The following LINGO2 variants were observed in gnomAD, a reference collection of about 807,000 sequenced individuals.
The protein encoded by LINGO2 is leucine rich repeat and Ig domain containing 2, also known as leucine-rich repeat and immunoglobulin-like domain-containing nogo receptor-interacting protein 2.
A neutral mutation model predicts 30.6 loss-of-function variants in LINGO2; 14 were observed. That is an observed-to-expected ratio of 0.46 (90% confidence interval 0.30 to 0.72). LINGO2 has a LOEUF of 0.72. LINGO2 is among the 30% of genes least tolerant of loss of function. The pLI is 0.07. For synonymous variants in LINGO2, 317 were observed against 288.5 expected, an observed-to-expected ratio of 1.10 and a Z score of -1.00; for missense variants, 729 against 751.7, an observed-to-expected ratio of 0.97 and a Z score of 0.35.
chr9:28,257,922 G>A (rs1007580479), intron 4 of LINGO2, among the ~76,000 whole-genome samples: 1 of 151,884 alleles, frequency 6.6e-6, no homozygotes, highest in African/African-American at 2.4e-5. Flanking sequence ...AATTACTGAT[G>A]TGCAATTGTC....
intron 2 of LINGO2, among the ~76,000 whole-genome samples, chr9:28,415,785 T>G (rs1252855330): frequency 6.6e-6 from 1 of 152,210 alleles, no homozygotes; most frequent in Non-Finnish European, 1.5e-5. Flanking sequence ...CCATGAGAGC[T>G]GTAATCCTGT....
the LINGO2 span, among the ~76,000 whole-genome samples, chr9:29,080,513 C>G: frequency 1.3e-5 from 2 of 152,066 alleles, no homozygotes; most frequent in Non-Finnish European, 2.9e-5. Flanking sequence ...TCTTGCTTCT[C>G]TAGTTCTTTC....
intron 5 of LINGO2, among the ~76,000 whole-genome samples, chr9:27,991,697 C>T (rs1821406721): frequency 6.6e-6 from 1 of 152,010 alleles, no homozygotes; most frequent in East Asian, 1.9e-4. Context: ...GCAGCCATTG[C>T]CACTAGCTGT....
the LINGO2 span, among the ~76,000 whole-genome samples, chr9:28,785,346 G>A: frequency 6.6e-6 from 1 of 152,098 alleles, no homozygotes; most frequent in African/African-American, 2.4e-5. Context: ...TGTTAGACAG[G>A]CTAATGGATG....
chr9:28,730,092 G>T, the LINGO2 span, among the ~76,000 whole-genome samples: 2 of 152,146 alleles, frequency 1.3e-5, no homozygotes, highest in African/African-American at 2.4e-5. Context: ...AAGAAAAAAA[G>T]AGATTTTCAG....
chr9:29,181,630 G>T, the LINGO2 span, among the ~76,000 whole-genome samples: 1 of 152,066 alleles, frequency 6.6e-6, no homozygotes. Flanking sequence ...AAGAGAAGAG[G>T]CAACTGAAGT....
chr9:28,191,971 C>T (rs546829067), intron 4 of LINGO2, among the ~76,000 whole-genome samples: 1 of 152,182 alleles, frequency 6.6e-6, no homozygotes, highest in East Asian at 1.9e-4. Context: ...ATTCTGTCGA[C>T]TCCCAGATGT....
chr9:28,561,780 TAAA>T (rs35903053), intron 1 of LINGO2, among the ~76,000 whole-genome samples: 13 of 107,604 alleles, frequency 1.2e-4, no homozygotes, highest in African/African-American at 3.3e-4. Context: ...TATATATATA[TAAA>T]AAATATGCTA....
intron 2 of LINGO2, among the ~76,000 whole-genome samples, chr9:28,402,002 A>G (rs1327021393): frequency 6.6e-6 from 1 of 151,898 alleles, no homozygotes; most frequent in African/African-American, 2.4e-5. Flanking sequence ...TCTTGTAAAT[A>G]TATTTAAGTG....
intron 4 of LINGO2, among the ~76,000 whole-genome samples, chr9:28,283,663 A>C (rs1823405532): frequency 6.6e-6 from 1 of 152,112 alleles, no homozygotes; most frequent in South Asian, 2.1e-4. Context: ...GAGCTTAGTA[A>C]ATTACATTCC....
Position 27,973,368 on chromosome 9 carries a change from T to A in LINGO2, c.-35-22662A>T, listed in dbSNP as rs965117041. ...GGTCCAGGGAGGTACCTATGAATCT[T>A]CACTGTTCATGAACAATTTCAGGTG... On this transcript the variant is annotated intron_variant, in intron 5 of 5. Transcript: ENST00000379992. 2.0e-5 allele frequency among the ~76,000 whole-genome samples: 3 copies of A among 152,256 alleles called. No homozygotes were observed. In the East Asian group the frequency reaches 5.8e-4, roughly 29 times the overall value.
chr9:28,233,490 A>G (rs558648895), intron 4 of LINGO2, among the ~76,000 whole-genome samples: 2 of 149,630 alleles, frequency 1.3e-5, no homozygotes, highest in Admixed American at 1.3e-4. Context: ...ATTTGAACAC[A>G]TGCAAAAGCC....
the LINGO2 span, among the ~76,000 whole-genome samples, chr9:29,091,572 C>G: frequency 9.9e-5 from 15 of 152,078 alleles, no homozygotes; most frequent in Admixed American, 3.3e-4. Context: ...CAAATCTGGG[C>G]ACCTGAGAAA....
At chr9:29,161,380 T>A in the LINGO2 span, among the ~76,000 whole-genome samples, 8 of 152,178 alleles carry the variant, frequency 5.3e-5, no homozygotes, top group Admixed American at 5.2e-4. Context: ...TGGAACCTGA[T>A]CCCAAGCAGG....
At chr9:28,634,465 T>C in intron 1 of LINGO2, among the ~76,000 whole-genome samples, 1 of 149,598 alleles carries the variant, frequency 6.7e-6, no homozygotes, top group Non-Finnish European at 1.5e-5. Flanking sequence ...CCCCCCACAC[T>C]TTCTTTCTTT....
chr9:28,240,629 T>C (rs76209495), intron 4 of LINGO2, among the ~76,000 whole-genome samples: 2,965 of 152,222 alleles, frequency 0.019, 89 homozygotes, highest in East Asian at 0.12. Context: ...TCTTATCTTA[T>C]GCAAAAATCA....
chr9:29,040,924 A>C, the LINGO2 span, among the ~76,000 whole-genome samples: 1 of 152,024 alleles, frequency 6.6e-6, no homozygotes, highest in South Asian at 2.1e-4. Context: ...CACTGAGTCC[A>C]TTAATATACA....
chr9:29,210,470 T>C, the LINGO2 span, among the ~76,000 whole-genome samples: 1 of 152,150 alleles, frequency 6.6e-6, no homozygotes, highest in Non-Finnish European at 1.5e-5. Flanking sequence ...CAGATGAGTA[T>C]CACTTTTTCA....
chr9:28,295,294 A>G (rs997319837), exon 4 of LINGO2: 2 of 152,630 alleles, frequency 1.3e-5, no homozygotes, highest in Admixed American at 1.3e-4. Context: ...TGGGTAGTTG[A>G]TCATGATAAT....
Sources: allele counts gnomAD v4.1 joint callset (sites outside exome capture counted in the v4.1 genomes callset), GRCh38; gene constraint gnomAD v4.1.1; transcripts MANE v1.5; gene names NCBI Gene and HGNC (gene_info 2026-07-23, HGNC 2026-07-21).